Variants in KIF27 observed in about 807,000 individuals in gnomAD.
The protein encoded by KIF27 is kinesin-like protein KIF27.
A neutral mutation model predicts 141.8 loss-of-function variants in KIF27; 84 were observed. That is an observed-to-expected ratio of 0.59 (90% confidence interval 0.50 to 0.71). The LOEUF (loss-of-function observed/expected upper bound fraction) is 0.71, where lower values mean the gene tolerates loss of function less well. Ranked by LOEUF, KIF27 falls within the 30% of genes least tolerant of loss-of-function variation. The probability of loss-of-function intolerance (pLI) is 0.00; values close to 1 mark genes in which losing one functional copy is unlikely to be tolerated. For synonymous variants in KIF27, 471 were observed against 569.5 expected (o/e 0.83, Z 2.46); for missense variants, 1,306 against 1,628.4 (o/e 0.80, Z 3.41).
chr9:83,911,695 C>T (rs114898187), intron 2 of KIF27, among the ~76,000 whole-genome samples: 1,547 of 152,220 alleles, frequency 0.01, 26 homozygotes, highest in African/African-American at 0.035. Flanking sequence ...GCGCACACCA[C>T]CACGTCTGAC....
At chr9:83,885,632 C>T (rs1952033293) in intron 9 of KIF27, among the ~76,000 whole-genome samples, 1 of 152,020 alleles carries the variant, frequency 6.6e-6, no homozygotes, top group Non-Finnish European at 1.5e-5. Flanking sequence ...CCAATTACAA[C>T]ATGTTTATTT....
chr9:83,894,291 A>G (rs1329416006), intron 5 of KIF27, among the ~76,000 whole-genome samples: 1 of 152,254 alleles, frequency 6.6e-6, no homozygotes, highest in Admixed American at 6.5e-5. Flanking sequence ...ATGAGAAAGA[A>G]AAATATAGGA....
At chr9:83,870,058 A>C (rs1453113079) in intron 12 of KIF27, among the ~76,000 whole-genome samples, 6 of 152,328 alleles carry the variant, frequency 3.9e-5, no homozygotes, top group African/African-American at 1.4e-4. Context: ...TTTCAAAACA[A>C]ATACTAGAAA....
chr9:83,867,249 CT>C (rs1433039777), intron 13 of KIF27, among the ~76,000 whole-genome samples: 1 of 152,128 alleles, frequency 6.6e-6, no homozygotes, highest in African/African-American at 2.4e-5. Flanking sequence ...CCATTCATCA[CT>C]TGATGAACAT....
At chr9:83,896,051 CAA>C (rs35504224) in intron 5 of KIF27, among the ~76,000 whole-genome samples, 21 of 54,536 alleles carry the variant, frequency 3.9e-4, no homozygotes, top group African/African-American at 8.1e-4. Flanking sequence ...GACTCTGTCT[CAA>C]AAAAAAAAAA....
intron 2 of KIF27, among the ~76,000 whole-genome samples, chr9:83,909,630 GATTT>G (rs1190364896): frequency 2.9e-5 from 4 of 136,418 alleles, no homozygotes; most frequent in Non-Finnish European, 4.8e-5. Context: ...AAAAAAAAAA[GATTT>G]AATAAGAAAA....
intron 2 of KIF27, among the ~76,000 whole-genome samples, chr9:83,910,458 A>C (rs977299190): frequency 6.6e-6 from 1 of 152,246 alleles, no homozygotes; most frequent in African/African-American, 2.4e-5. Flanking sequence ...CTTTTTAAAA[A>C]AAATTCTTGT....
chr9:83,836,879 ATTCC>A lies in KIF27; in HGVS notation c.*118_*121del, dbSNP rs1945910596. ...TCTATAGCATATAAAAGAATTAGGG[ATTCC>A]TTCCTCCCCTTCTTCCTTTATTCTG... On this transcript the variant is annotated 3_prime_UTR_variant, in exon 18 of 18. Coordinates refer to ENST00000297814, the MANE Select transcript of KIF27 (RefSeq NM_017576.4). 1 of 1,448,988 alleles carries A rather than the reference ATTCC, an allele frequency of 6.9e-7. No individual in the cohort carries two copies. Among genetic ancestry groups the A allele is most frequent in the Admixed American group, 2.5e-5 (1 of 39,508 alleles). 89.8% of individuals were successfully genotyped at this position (1,448,988 alleles called of 1,614,324 possible).
At chr9:83,892,974 C>T (rs534566638) in intron 5 of KIF27, among the ~76,000 whole-genome samples, 2 of 152,334 alleles carry the variant, frequency 1.3e-5, no homozygotes, top group Admixed American at 6.5e-5. Flanking sequence ...GTGGCTCACA[C>T]CTGTAATCCC....
In KIF27 at chr9:83,836,218, C is replaced by A. The variant is rs182788678; in HGVS notation, c.*783G>T. On this transcript the variant is annotated 3_prime_UTR_variant, in exon 18 of 18. Coordinates refer to ENST00000297814, the MANE Select transcript of KIF27 (RefSeq NM_017576.4). ...CTCCATGTGACCAGAGATGTCATAA[C>A]CAGTGTTCTTTCTCTTGAAATGTTA... 3.1e-3 allele frequency among the ~76,000 whole-genome samples: 474 copies of A among 152,142 alleles called. 1 individual carries two copies. The highest frequency in any genetic ancestry group is 7.9e-3 in the African/African-American group (329 of 41,506).
At chr9:83,874,621 T>C (rs1174889826) in intron 11 of KIF27, among the ~76,000 whole-genome samples, 1 of 152,118 alleles carries the variant, frequency 6.6e-6, no homozygotes, top group Non-Finnish European at 1.5e-5. Context: ...AAATTAGAGA[T>C]GTGGCAAGAT....
chr9:83,869,551 C>A (rs1564340290), intron 12 of KIF27, among the ~76,000 whole-genome samples: 1 of 152,058 alleles, frequency 6.6e-6, no homozygotes, highest in Admixed American at 6.5e-5. Flanking sequence ...CATGGTGAAA[C>A]CCCGTCTCTA....
chr9:83,844,084 T>C (rs1253978385), intron 16 of KIF27, among the ~76,000 whole-genome samples: 1 of 152,112 alleles, frequency 6.6e-6, no homozygotes, highest in African/African-American at 2.4e-5. Flanking sequence ...TCTCATCAGC[T>C]GCCAGCGAAT....
At chr9:83,874,294 A>G (rs2132101693) in intron 11 of KIF27, among the ~76,000 whole-genome samples, 1 of 152,284 alleles carries the variant, frequency 6.6e-6, no homozygotes, top group Middle Eastern at 3.4e-3. Flanking sequence ...AAAGCTTAAG[A>G]TCACACCACC....
At chr9:83,877,578 T>G (rs1445881539) in intron 11 of KIF27, among the ~76,000 whole-genome samples, 1 of 152,096 alleles carries the variant, frequency 6.6e-6, no homozygotes, top group East Asian at 1.9e-4. Context: ...AACATAAATC[T>G]TCATGACCTT....
chr9:83,882,912 T>C (rs1445263664), intron 10 of KIF27, among the ~76,000 whole-genome samples: 1 of 152,126 alleles, frequency 6.6e-6, no homozygotes, highest in Non-Finnish European at 1.5e-5. Context: ...TAACAATTTT[T>C]AGTGGAAATA....
chr9:83,854,511 A>G (rs559757023), intron 14 of KIF27, among the ~76,000 whole-genome samples: 1 of 152,230 alleles, frequency 6.6e-6, no homozygotes, highest in Non-Finnish European at 1.5e-5. Context: ...ATTTTTTCAC[A>G]TACTAGAGAA....
intron 5 of KIF27, among the ~76,000 whole-genome samples, chr9:83,896,255 A>C (rs529972478): frequency 1.3e-5 from 2 of 152,180 alleles, no homozygotes; most frequent in East Asian, 3.9e-4. Context: ...AAAACAACAA[A>C]AAAAAGAAAT....
Position 83,880,356 on chromosome 9 carries a change from C to A in KIF27, c.2584G>T (p.Glu862Ter). ...KIQLQRKLRE[E>*]NEKRKQLDAV... The stretch of plus-strand genomic sequence containing the variant: ...TCCAGTTGCTTCCTTTTTTCATTTT[C>A]TTCTCGTAGTTTTCTTTGTAGCTGT... The change falls in exon 11 of 18, where the codon GAA becomes TAA. Residue 862 changes from glutamate to a stop codon, truncating the protein, a stop_gained. Coordinates refer to ENST00000297814, the MANE Select transcript of KIF27 (RefSeq NM_017576.4). LOFTEE classifies it high-confidence loss of function. 1 of 1,613,542 alleles carries A rather than the reference C, an allele frequency of 6.2e-7. No homozygotes were observed. The highest frequency in any genetic ancestry group is 8.5e-7 in the Non-Finnish European group (1 of 1,179,704).
Sources: gnomAD v4.1 joint callset for allele counts (sites outside exome capture counted in the v4.1 genomes callset) on GRCh38, gnomAD v4.1.1 for gene constraint, MANE v1.5 for transcripts, NCBI Gene and HGNC (gene_info 2026-07-23, HGNC 2026-07-21) for gene names.